Variants in CCDC187 observed in about 807,000 individuals in gnomAD.
CCDC187 encodes coiled-coil domain containing 187, also known as coiled-coil domain-containing protein 187.
Under a neutral mutation model 38.0 loss-of-function variants are expected in CCDC187, and 32 were observed. That is an observed-to-expected ratio of 0.84 (90% CI 0.64 to 1.13). The LOEUF is 1.13. Ranked by LOEUF, CCDC187 falls within the 50% of genes most tolerant of loss-of-function variation. The pLI, the probability that CCDC187 is intolerant of heterozygous loss-of-function variation, is 0.00. For missense variants in CCDC187, 707 were observed against 786.8 expected, an observed-to-expected ratio of 0.90 and a Z score of 1.21; for synonymous variants, 333 against 347.9, an observed-to-expected ratio of 0.96 and a Z score of 0.48.
intron 4 of CCDC187, among the ~76,000 whole-genome samples, chr9:136,293,252 TAC>T (rs1290368845): frequency 1.7e-4 from 18 of 106,304 alleles, no homozygotes; most frequent in African/African-American, 6.8e-4. Context: ...CTCACATGCT[TAC>T]ACACTCACTC....
intron 7 of CCDC187, among the ~76,000 whole-genome samples, chr9:136,289,024 G>A (rs980772245): frequency 1.8e-4 from 28 of 152,228 alleles, no homozygotes; most frequent in Admixed American, 4.6e-4. Flanking sequence ...CCGGGCATCC[G>A]TTGGCCACGA....
intron 3 of CCDC187, among the ~76,000 whole-genome samples, chr9:136,298,970 G>A (rs990039267): frequency 1.1e-4 from 17 of 152,334 alleles, no homozygotes; most frequent in Admixed American, 2.6e-4. Context: ...AACTCGGAGC[G>A]TGAAAACGAG....
At chr9:136,293,237 T>TTACACACTCACTCATGCCA (rs1831392280) in intron 4 of CCDC187, among the ~76,000 whole-genome samples, 27 of 119,738 alleles carry the variant, frequency 2.3e-4, no homozygotes, top group African/African-American at 7.8e-4. Flanking sequence ...ACTCACACGC[T>TTACACACTCACTCATGCCA]CACACTCACA....
At chr9:136,305,470 T>A (rs1831788262), upstream of CCDC187, among the ~76,000 whole-genome samples, 1 of 152,142 alleles carries the variant, frequency 6.6e-6, no homozygotes, top group East Asian at 1.9e-4. Flanking sequence ...CCCAGGGCCA[T>A]CCGAGTGGTG....
At chr9:136,282,292 C>G (rs1205231349) in intron 9 of CCDC187, among the ~76,000 whole-genome samples, 2 of 152,270 alleles carry the variant, frequency 1.3e-5, no homozygotes, top group South Asian at 4.2e-4. Flanking sequence ...CACCTGCCCC[C>G]ACTCAAGCTG....
At chr9:136,272,661 C>T (rs1830859625) in intron 14 of CCDC187, among the ~76,000 whole-genome samples, 1 of 151,322 alleles carries the variant, frequency 6.6e-6, no homozygotes, top group South Asian at 2.1e-4. Flanking sequence ...CAAGATTGCA[C>T]CTTTGCACTC....
intron 10 of CCDC187, chr9:136,280,866 T>A (rs1330705945): frequency 6.6e-6 from 1 of 152,310 alleles, no homozygotes; most frequent in Admixed American, 6.5e-5. Flanking sequence ...GGGTTAGGGG[T>A]TGGATGGGGG....
At chr9:136,300,363 C>T (rs1414685829) in intron 2 of CCDC187, 45 bp from the exon 3 acceptor site, 9 of 398,134 alleles carry the variant, frequency 2.3e-5, no homozygotes, top group African/African-American at 4.1e-5. Flanking sequence ...AAGAGAGATC[C>T]GCAAAGAACT....
Position 136,262,606 on chromosome 9 carries a change from A to G in CCDC187, c.3913-144T>C, listed in dbSNP as rs1830692695. 4.8e-6 allele frequency: 3 copies of G among 619,550 alleles called. No individual in the cohort carries two copies. In the Admixed American group the frequency reaches 1.9e-4, roughly 39 times the overall value. The allele number at this position is 619,550 out of a possible 1,614,324, so 38.4% of individuals were successfully genotyped here. A position where few individuals can be genotyped will look rare whatever the true frequency, so the allele number is the denominator to read the frequency against. ...TTGCTCCCCACTGGGTGCCAGGCTG[A>G]GACAGGACCTCTCATTTGAGCAGGG... is the stretch of plus-strand genomic sequence containing the variant. On this transcript the variant is annotated intron_variant, in intron 18 of 25. Transcript: ENST00000638797.
At chr9:136,281,471 A>G (rs1588661924) in intron 10 of CCDC187, 80 bp downstream of exon 10, 2 of 398,536 alleles carry the variant, frequency 5.0e-6, no homozygotes, top group Middle Eastern at 6.3e-4. Context: ...CTCGAGTGCT[A>G]GGCAGTGGAA....
chr9:136,302,047 T>C (rs1364747938), intron 2 of CCDC187, among the ~76,000 whole-genome samples: 1 of 151,902 alleles, frequency 6.6e-6, no homozygotes, highest in Non-Finnish European at 1.5e-5. Context: ...CCGTCTCTAC[T>C]AAAAATACGA....
At chr9:136,295,452 C>T (rs1831513030) in intron 4 of CCDC187, among the ~76,000 whole-genome samples, 1 of 152,094 alleles carries the variant, frequency 6.6e-6, no homozygotes, top group Non-Finnish European at 1.5e-5. Flanking sequence ...GGATGAAGTC[C>T]CCAAGTGCCC....
chr9:136,284,283 C>T (rs1831118708), intron 9 of CCDC187, among the ~76,000 whole-genome samples: 1 of 152,154 alleles, frequency 6.6e-6, no homozygotes, highest in Non-Finnish European at 1.5e-5. Context: ...GGCCACCCAG[C>T]AGAAGACAGC....
rs910893146 is a variant in CCDC187, at chr9:136,302,588, C to T, written c.625+224G>A. 4.7e-4 allele frequency among the ~76,000 whole-genome samples: 72 copies of T among 152,338 alleles called. 1 individual carries two copies. Among genetic ancestry groups the T allele is most frequent in the African/African-American group, 1.7e-3 (70 of 41,580 alleles). On this transcript the variant is annotated intron_variant, in intron 2 of 25. Coordinates refer to ENST00000638797, the MANE Select transcript of CCDC187 (RefSeq NM_001378188.1). The stretch of plus-strand genomic sequence containing the variant: ...GCCCTGTGTGCCCCTCCCTCCTGGG[C>T]GCTGGCATCTCCACCGCTCCTCTGT...
chr9:136,304,128 G>A (rs1370281921), upstream of CCDC187: 2 of 152,482 alleles, frequency 1.3e-5, no homozygotes, highest in Admixed American at 6.5e-5. Flanking sequence ...GGAGAGTTCC[G>A]GCTGGCCCCG....
At chr9:136,287,846 C>G (rs1375780132) in intron 7 of CCDC187, among the ~76,000 whole-genome samples, 1 of 152,096 alleles carries the variant, frequency 6.6e-6, no homozygotes, top group Non-Finnish European at 1.5e-5. Flanking sequence ...GACAGAGTGT[C>G]AGTTTGGGAA....
Position 136,250,266 on chromosome 9 carries a change from C to T in CCDC187, c.*3328G>A, listed in dbSNP as rs1319408243. The T allele has an allele frequency of 6.0e-6, 1 of 167,886 alleles. No homozygotes were observed. The highest frequency in any genetic ancestry group is 2.4e-5 in the African/African-American group (1 of 41,588). 10.4% of individuals were successfully genotyped at this position (167,886 alleles called of 1,614,324 possible). On this transcript the variant is annotated 3_prime_UTR_variant, in exon 26 of 26. Transcript: ENST00000638797. ...CCGGGTTTTCCTTCGTTCCTCACGA[C>T]CAGCCCCCTTCAAGGGCACCCTACC... is the stretch of plus-strand genomic sequence containing the variant.
chr9:136,250,540 T>A lies in CCDC187; in HGVS notation c.*3054A>T, dbSNP rs1830522743. The A allele has an allele frequency of 2.9e-6, 1 of 348,032 alleles. No individual in the cohort carries two copies. Among genetic ancestry groups the A allele is most frequent in the Non-Finnish European group, 5.7e-6 (1 of 175,308 alleles). 21.6% of individuals were successfully genotyped at this position (348,032 alleles called of 1,614,324 possible). A position where few individuals can be genotyped will look rare whatever the true frequency, so the allele number is the denominator to read the frequency against. On this transcript the variant is annotated 3_prime_UTR_variant, in exon 26 of 26. Transcript: ENST00000638797. ...CTCATAAATCCAAAAGGGTCAGCAATAAATGGAAAAAAATAAAAAATCACA... is the reference window on the plus strand; with the variant it reads ...CTCATAAATCCAAAAGGGTCAGCAAAAAATGGAAAAAAATAAAAAATCACA...
At chr9:136,293,589 C>T (rs1382441388) in intron 4 of CCDC187, among the ~76,000 whole-genome samples, 2 of 151,784 alleles carry the variant, frequency 1.3e-5, no homozygotes, top group South Asian at 2.1e-4. Flanking sequence ...AACTCCCTCA[C>T]GTGCTCCCAG....
Sources: allele counts gnomAD v4.1 joint callset (sites outside exome capture counted in the v4.1 genomes callset), GRCh38; gene constraint gnomAD v4.1.1; transcripts MANE v1.5; gene names NCBI Gene and HGNC (gene_info 2026-07-23, HGNC 2026-07-21).